Variants in PRKD3 observed in about 807,000 individuals in gnomAD.
PRKD3 encodes serine/threonine-protein kinase D3.
PRKD3 carries 47 observed loss-of-function variants against 99.2 expected under a neutral mutation model. The observed-to-expected ratio is 0.47, with a 90% confidence interval of 0.38 to 0.60. PRKD3 has a LOEUF of 0.60. Among genes scored for constraint, PRKD3 ranks in the 20% least tolerant of loss-of-function variants. The pLI is 0.00. For missense variants in PRKD3, 1,019 were observed against 1,088.4 expected (o/e 0.94, Z 0.90); for synonymous variants, 392 against 355.4 (o/e 1.10, Z -1.16).
At chr2:37,267,005 A>ATT (rs1348146721) in intron 14 of PRKD3, among the ~76,000 whole-genome samples, 3 of 152,216 alleles carry the variant, frequency 2.0e-5, no homozygotes, top group Admixed American at 2.0e-4. Context: ...TATATCTTTA[A>ATT]AATACGCCCC....
chr2:37,272,251 G>C (rs1669314591), intron 12 of PRKD3, 129 bp downstream of exon 12: 1 of 1,395,254 alleles, frequency 7.2e-7, no homozygotes, highest in African/African-American at 1.5e-5. Context: ...ACTCCTTAGG[G>C]AAGTTACCAA....
chr2:37,264,836 G>T (rs954904833), intron 14 of PRKD3, among the ~76,000 whole-genome samples: 1 of 152,096 alleles, frequency 6.6e-6, no homozygotes, highest in African/African-American at 2.4e-5. Context: ...AATAATCACA[G>T]GTATCTAAAA....
At chr2:37,287,510 G>C (rs1670178552) in intron 5 of PRKD3, among the ~76,000 whole-genome samples, 1 of 151,844 alleles carries the variant, frequency 6.6e-6, no homozygotes, top group African/African-American at 2.4e-5. Flanking sequence ...TTACAAACAT[G>C]ACTAGTTATA....
rs1339209346 is a variant in PRKD3 at position 37,289,422 on chromosome 2, T to C, written c.651A>G (p.Leu217=). The C allele has an allele frequency of 2.5e-6, 4 of 1,613,966 alleles. No individual in the cohort carries two copies. The African/African-American group carries it at 5.3e-5, about 22-fold the overall frequency. The change falls in exon 5 of 19, where the codon TTA becomes TTG. Residue 217 remains leucine, a synonymous_variant. Transcript: ENST00000234179. ...VRKRRLSNVS[L]PGPGLSVPRP... The stretch of plus-strand genomic sequence containing the variant: ...TTGGAACTGAGAGGCCGGGTCCTGG[T>C]AAAGATACATTTGACAGACGTCTCT...
At chr2:37,277,193 T>C (rs752604860) in intron 9 of PRKD3, among the ~76,000 whole-genome samples, 1 of 152,186 alleles carries the variant, frequency 6.6e-6, no homozygotes, top group African/African-American at 2.4e-5. Context: ...TGTTTCTGTA[T>C]GCCAGACACT....
chr2:37,276,121 C>CAT (rs1038224352), intron 9 of PRKD3, among the ~76,000 whole-genome samples: 19 of 151,750 alleles, frequency 1.3e-4, no homozygotes, highest in South Asian at 2.1e-4. Flanking sequence ...CACATGAATA[C>CAT]ATATATATAT....
chr2:37,320,151 C>T (rs1671819210), intron 1 of PRKD3, among the ~76,000 whole-genome samples: 1 of 152,112 alleles, frequency 6.6e-6, no homozygotes, highest in African/African-American at 2.4e-5. Context: ...ACTCTATTTT[C>T]CAGAAAAGAA....
At chr2:37,321,637 G>A (rs1558587726) in intron 1 of PRKD3, among the ~76,000 whole-genome samples, 1 of 152,178 alleles carries the variant, frequency 6.6e-6, no homozygotes, top group Non-Finnish European at 1.5e-5. Context: ...AACAGACATG[G>A]CCACTGCTCT....
At position 37,253,029 on chromosome 2, in the gene PRKD3, A is replaced by G. The variant is rs1667639555; in HGVS notation, c.*148T>C. 3 of 704,318 alleles carry G rather than the reference A, an allele frequency of 4.3e-6. No homozygotes were observed. Among genetic ancestry groups the G allele is most frequent in the Non-Finnish European group, 6.4e-6 (3 of 471,788 alleles). 43.6% of individuals were successfully genotyped at this position (704,318 alleles called of 1,614,324 possible). A position where few individuals can be genotyped will look rare whatever the true frequency, so the allele number is the denominator to read the frequency against. ...AGTTTCCCGCCTGTACCTACTCATT[A>G]TGAACTACAGTACTGGTGTCACTTA... On this transcript the variant is annotated 3_prime_UTR_variant, in exon 19 of 19. Coordinates refer to ENST00000234179, the MANE Select transcript of PRKD3 (RefSeq NM_005813.6).
intron 2 of PRKD3, among the ~76,000 whole-genome samples, chr2:37,313,917 A>G (rs4670688): frequency 0.23 from 34,693 of 152,084 alleles, 4,772 homozygotes; most frequent in East Asian, 0.55. Flanking sequence ...GCCAAGGAAC[A>G]TCTGTAAGCT....
chr2:37,254,737 A>C (rs1667799569), intron 17 of PRKD3, among the ~76,000 whole-genome samples: 1 of 151,916 alleles, frequency 6.6e-6, no homozygotes, highest in African/African-American at 2.4e-5. Flanking sequence ...GATCCTCCCC[A>C]CCCCGCTCCA....
At chr2:37,310,289 T>C (rs971266434) in intron 2 of PRKD3, among the ~76,000 whole-genome samples, 1 of 152,226 alleles carries the variant, frequency 6.6e-6, no homozygotes, top group Non-Finnish European at 1.5e-5. Flanking sequence ...GATTAATACA[T>C]AATAATATTG....
At chr2:37,257,060 GA>G (rs1668011063) in intron 16 of PRKD3, 131 bp from the exon 17 acceptor site, 1 of 1,025,610 alleles carries the variant, frequency 9.8e-7, no homozygotes, top group South Asian at 1.6e-5. Flanking sequence ...ATTAATCACA[GA>G]TAAGGAAATT....
At chr2:37,288,593 C>G (rs1050838908) in intron 5 of PRKD3, among the ~76,000 whole-genome samples, 4 of 152,124 alleles carry the variant, frequency 2.6e-5, no homozygotes, top group South Asian at 4.1e-4. Flanking sequence ...GGAGTTATTT[C>G]TTTTTTCCTG....
chr2:37,323,715 G>C (rs1003867935), intron 1 of PRKD3, among the ~76,000 whole-genome samples: 1 of 152,134 alleles, frequency 6.6e-6, no homozygotes, highest in Non-Finnish European at 1.5e-5. Flanking sequence ...CATTTTCTAG[G>C]ATACAAATTA....
intron 2 of PRKD3, 144 bp from the exon 3 acceptor site, chr2:37,293,415 TC>T: frequency 1.4e-6 from 1 of 713,744 alleles, no homozygotes; most frequent in East Asian, 3.0e-5. Context: ...TAAAAGGTGA[TC>T]CACGTACTCA....
chr2:37,287,035 A>G (rs1670127505), intron 5 of PRKD3, among the ~76,000 whole-genome samples: 1 of 151,838 alleles, frequency 6.6e-6, no homozygotes, highest in Admixed American at 6.6e-5. Flanking sequence ...GTTCAAGACC[A>G]GCCTGACCAA....
At chr2:37,321,643 GCT>G (rs1047373642) in intron 1 of PRKD3, among the ~76,000 whole-genome samples, 2 of 152,176 alleles carry the variant, frequency 1.3e-5, no homozygotes, top group African/African-American at 4.8e-5. Flanking sequence ...CATGGCCACT[GCT>G]CTCTCTGAAA....
intron 5 of PRKD3, among the ~76,000 whole-genome samples, chr2:37,287,257 AAAAAAAAAAAG>A (rs1670153364): frequency 7.3e-6 from 1 of 137,728 alleles, no homozygotes; most frequent in African/African-American, 3.0e-5. Flanking sequence ...AAAAAAAAAA[AAAAAAAAAAAG>A]AAAAAGAAAA....
Sources: allele counts gnomAD v4.1 joint callset (sites outside exome capture counted in the v4.1 genomes callset), GRCh38; gene constraint gnomAD v4.1.1; transcripts MANE v1.5; gene names NCBI Gene and HGNC (gene_info 2026-07-23, HGNC 2026-07-21).